Variants in TNK2 observed in about 807,000 individuals in gnomAD.
The protein encoded by TNK2 is tyrosine kinase non receptor 2.
In TNK2, 83 loss-of-function variants were observed where a neutral mutation model predicts 101.8. That is an observed-to-expected ratio of 0.82 (90% CI 0.68 to 0.98). The LOEUF is 0.98. Ranked by LOEUF, TNK2 falls within the 50% of genes least tolerant of loss-of-function variation. The probability of loss-of-function intolerance (pLI) is 0.00; values close to 1 mark genes in which losing one functional copy is unlikely to be tolerated. For synonymous variants in TNK2, 804 were observed against 633.0 expected, an observed-to-expected ratio of 1.27 and a Z score of -4.06; for missense variants, 1,665 against 1,483.2, an observed-to-expected ratio of 1.12 and a Z score of -2.01.
chr3:195,872,411 G>C lies in TNK2; in HGVS notation c.1316C>G (p.Pro439Arg), dbSNP rs780099540. Reference sequence around the variant, plus strand: ...GGCCACGGAGGTCACCACGTTGCGAGGGAAGGGCCCCACACACAGCGTCCG... The same window carrying C: ...GGCCACGGAGGTCACCACGTTGCGACGGAAGGGCCCCACACACAGCGTCCG... ...NTRTLCVGPFPRNVVTSVAGL... is the reference protein window; with the variant it reads ...NTRTLCVGPFRRNVVTSVAGL... Residue 439 changes from proline (P) to arginine (R), a missense_variant, in exon 10 of 16, where the codon CCT becomes CGT. Physicochemically the swap from Pro to Arg is moderately radical, Grantham distance 103. Coordinates refer to ENST00000672887, the MANE Select transcript of TNK2 (RefSeq NM_001382273.1). 1.2e-5 allele frequency: 19 copies of C among 1,612,968 alleles called. No homozygotes were observed. The highest frequency in any genetic ancestry group is 1.4e-5 in the Non-Finnish European group (17 of 1,179,758).
In TNK2 at chr3:195,868,346, T is replaced by C. The variant is rs1576991827; in HGVS notation, c.1952A>G (p.Asp651Gly). The C allele has an allele frequency of 1.3e-6, 2 of 1,599,582 alleles. No individual in the cohort carries two copies. Among genetic ancestry groups the C allele is most frequent in the East Asian group, 2.2e-5 (1 of 44,612 alleles). The change falls in exon 13 of 16, where the codon GAC becomes GGC. Residue 651 changes from aspartate (D) to glycine (G), a missense_variant. Transcript: ENST00000672887. ...ARPLPPPPAY[D>G]DVAQDEDDFE... is the part of the protein sequence containing the mutation. Reference sequence around the variant, plus strand: ...GTCATCCTCATCCTGGGCCACGTCGTCATAGGCGGGCGGGGGGGGCAGCGG... The same window carrying C: ...GTCATCCTCATCCTGGGCCACGTCGCCATAGGCGGGCGGGGGGGGCAGCGG...
In TNK2 at chr3:195,864,590, C is replaced by T. The variant is rs537082095; in HGVS notation, c.3162-403G>A. 2.0e-5 allele frequency among the ~76,000 whole-genome samples: 3 copies of T among 147,184 alleles called. No individual in the cohort carries two copies. The East Asian group carries it at 6.1e-4, about 30-fold the overall frequency. On this transcript the variant is annotated intron_variant, in intron 15 of 15. Transcript: ENST00000672887. ...CTAGATGCAAATCAGTAAGAACCAC[C>T]CGAGACAGTGACAGACAGGTGACAC...
chr3:195,891,146 C>T (rs925507250), intron 1 of TNK2, among the ~76,000 whole-genome samples: 3 of 152,230 alleles, frequency 2.0e-5, no homozygotes, highest in Non-Finnish European at 4.4e-5. Context: ...AGGCCAAGCA[C>T]AGTGGCTCAC....
rs1252355675 is a variant in TNK2, at chr3:195,878,853, C to T, written c.1014+196G>A. Among the ~76,000 whole-genome samples the T allele has an allele frequency of 6.6e-6, 1 of 152,196 alleles. No homozygotes were observed. The highest frequency in any genetic ancestry group is 1.5e-5 in the Non-Finnish European group (1 of 68,030). On this transcript the variant is annotated intron_variant, in intron 7 of 15. Transcript: ENST00000672887. This position sits in a 1 kb window ranked among gnomAD's most constrained non-coding sequence, Gnocchi z 4.7. ...TTTCCCTCCCCGTCTCTTTGCTGGG[C>T]TCTCCCTGAGGCCATACAGATACGG...
At chr3:195,872,809 G>C in intron 9 of TNK2, 1 of 266,430 alleles carries the variant, frequency 3.8e-6, no homozygotes. Flanking sequence ...CCCAACGCCA[G>C]CTTTCAGGTC....
At position 195,867,981 on chromosome 3, in the gene TNK2, G is replaced by A; in HGVS notation, c.2317C>T (p.Pro773Ser). 6.4e-6 allele frequency: 10 copies of A among 1,551,434 alleles called. No homozygotes were observed. The highest frequency in any genetic ancestry group is 1.4e-5 in the African/African-American group (1 of 73,120). ...RPTRPHVQLS[P>S]APPGEEETSQ... ...GTCTCCTCCTCGCCCGGGGGGGCTG[G>A]AGACAGCTGGACGTGTGGGCGCGTG... is the stretch of plus-strand genomic sequence containing the variant. Residue 773 changes from proline (P) to serine (S), a missense_variant, in exon 13 of 16, where the codon CCA (proline) becomes TCA (serine). Physicochemically the swap from Pro to Ser is moderately conservative, Grantham distance 74. This residue lies in a region of TNK2 where 1,136 missense variants were observed against 894.9 expected (regional missense o/e 1.27). Coordinates refer to ENST00000672887, the MANE Select transcript of TNK2 (RefSeq NM_001382273.1).
At chr3:195,875,464 A>ATGGCGCCCACGCACGCTCGG (rs1748525050) in intron 9 of TNK2, among the ~76,000 whole-genome samples, 10 of 145,900 alleles carry the variant, frequency 6.9e-5, no homozygotes, top group Non-Finnish European at 1.0e-4. Flanking sequence ...GAGGCACAGG[A>ATGGCGCCCACGCACGCTCGG]AGCTCCCCCT....
chr3:195,866,398 G>A (rs1394869432), intron 15 of TNK2, among the ~76,000 whole-genome samples: 3 of 152,100 alleles, frequency 2.0e-5, no homozygotes, highest in African/African-American at 4.8e-5. Flanking sequence ...ACCTGGTCTC[G>A]CCATGTTGGC....
chr3:195,881,965 G>A, intron 6 of TNK2, 86 bp downstream of exon 6: 1 of 1,495,404 alleles, frequency 6.7e-7, no homozygotes, highest in Non-Finnish European at 9.0e-7. Flanking sequence ...AGCAAAACCA[G>A]GGGCTGTGGT....
chr3:195,879,686 G>T (rs1751310887), intron 6 of TNK2, among the ~76,000 whole-genome samples: 1 of 152,154 alleles, frequency 6.6e-6, no homozygotes. Flanking sequence ...CGGTTGAGGG[G>T]GAAGTGCCAC....
At chr3:195,907,588 C>A (rs1761868810) in intron 1 of TNK2, among the ~76,000 whole-genome samples, 1 of 152,356 alleles carries the variant, frequency 6.6e-6, no homozygotes, top group African/African-American at 2.4e-5. Context: ...GGCCCACAAG[C>A]AGCCCGCCAA....
rs1341535307 is a variant in TNK2, at chr3:195,863,911, G to A, written c.*270C>T. 6 of 478,506 alleles carry A rather than the reference G, an allele frequency of 1.3e-5. No individual in the cohort carries two copies. The highest frequency in any genetic ancestry group is 1.9e-5 in the Non-Finnish European group (5 of 266,810). The allele number at this position is 478,506 out of a possible 1,614,324, so 29.6% of individuals were successfully genotyped here. ...GGCAGGTCATACCCAGAGCCTGCTG[G>A]GGCAGCCCTCAAGCCTGTCTTCACC... On this transcript the variant is annotated 3_prime_UTR_variant, in exon 16 of 16. Transcript: ENST00000672887.
chr3:195,887,885 TAC>T (rs1756626245), intron 2 of TNK2, among the ~76,000 whole-genome samples: 1 of 145,270 alleles, frequency 6.9e-6, no homozygotes, highest in Admixed American at 6.8e-5. Context: ...AGCGCGTGCG[TAC>T]GCACGTGCAT....
At chr3:195,890,990 ATAT>A (rs1172057487) in intron 1 of TNK2, among the ~76,000 whole-genome samples, 1 of 152,326 alleles carries the variant, frequency 6.6e-6, no homozygotes, top group Middle Eastern at 3.4e-3. Context: ...GATACATAAA[ATAT>A]TATTACCTTC....
In TNK2 at chr3:195,885,073, C is replaced by A; in HGVS notation, c.235-40G>T. 6.5e-7 allele frequency: 1 copy of A among 1,534,318 alleles called. No individual in the cohort carries two copies. The highest frequency in any genetic ancestry group is 1.3e-5 in the South Asian group (1 of 79,886). Reference sequence around the variant, plus strand: ...CCGGGGGCCAGATGGAATCCAACACCCCAGGGTCAGTCACTCAGTCCCACC... The same window carrying A: ...CCGGGGGCCAGATGGAATCCAACACACCAGGGTCAGTCACTCAGTCCCACC... On this transcript the variant is annotated intron_variant, in intron 3 of 15. Transcript: ENST00000672887. This position sits in a 1 kb window ranked among gnomAD's most constrained non-coding sequence, Gnocchi z 4.7.
chr3:195,876,796 C>G, intron 9 of TNK2: 1 of 360,490 alleles, frequency 2.8e-6, no homozygotes, highest in Non-Finnish European at 5.5e-6. Context: ...GGAGCAGCCG[C>G]TCCCGGCCCC....
chr3:195,901,343 G>A (rs1761187157), intron 1 of TNK2, among the ~76,000 whole-genome samples: 1 of 152,200 alleles, frequency 6.6e-6, no homozygotes, highest in African/African-American at 2.4e-5. Flanking sequence ...GGTAGGGGGA[G>A]AGCCCTGCCA....
intron 11 of TNK2, chr3:195,869,772 A>G: frequency 8.3e-6 from 5 of 600,778 alleles, no homozygotes; most frequent in Non-Finnish European, 1.5e-5. Flanking sequence ...GGCCCCAGGC[A>G]GAGCCGGAGC....
In TNK2 at chr3:195,863,846, A is replaced by C; in HGVS notation, c.*335T>G. The C allele has an allele frequency of 6.3e-6, 2 of 316,610 alleles. No individual in the cohort carries two copies. Among genetic ancestry groups the C allele is most frequent in the East Asian group, 5.2e-5 (1 of 19,114 alleles). The allele number at this position is 316,610 out of a possible 1,614,324, so 19.6% of individuals were successfully genotyped here. Reference sequence around the variant, plus strand: ...GTCACCCAGGGCAGGGCCTGGGGGTACTACTCCACCCACAGGCCCCGCCCA... The same window carrying C: ...GTCACCCAGGGCAGGGCCTGGGGGTCCTACTCCACCCACAGGCCCCGCCCA... On this transcript the variant is annotated 3_prime_UTR_variant, in exon 16 of 16. Coordinates refer to ENST00000672887, the MANE Select transcript of TNK2 (RefSeq NM_001382273.1).
Sources: allele counts gnomAD v4.1 joint callset (sites outside exome capture counted in the v4.1 genomes callset), GRCh38; gene constraint gnomAD v4.1.1; regional missense constraint gnomAD v4.1.1; non-coding constraint Gnocchi (gnomAD v3.1); transcripts MANE v1.5; gene names NCBI Gene and HGNC (gene_info 2026-07-23, HGNC 2026-07-21).